The following PDE5A variants were observed in gnomAD, a reference collection of about 807,000 sequenced individuals.
PDE5A encodes the protein cGMP-specific 3',5'-cyclic phosphodiesterase.
A neutral mutation model predicts 110.2 loss-of-function variants in PDE5A; 67 were observed. The ratio of observed to expected loss-of-function variants is 0.61; its 90% CI spans 0.50 to 0.75. The LOEUF is 0.75. PDE5A is among the 30% of genes least tolerant of loss of function. The probability of loss-of-function intolerance (pLI) is 0.00; values close to 1 mark genes in which losing one functional copy is unlikely to be tolerated. For synonymous variants in PDE5A, 328 were observed against 351.2 expected (o/e 0.93, Z 0.74); for missense variants, 862 against 1,045.1 (o/e 0.82, Z 2.42).
rs746529975 is a variant in PDE5A at position 119,565,294 on chromosome 4, T to A, written c.993+27A>T. On this transcript the variant is annotated intron_variant, in intron 5 of 20. Coordinates refer to ENST00000354960, the MANE Select transcript of PDE5A (RefSeq NM_001083.4). ...TAACAATTTTTAAAAAGTATTTCTA[T>A]GCACTTTCTTTAGTAATCAGACTGA... 3.5e-6 allele frequency: 5 copies of A among 1,442,128 alleles called. No individual in the cohort carries two copies. The Admixed American group carries it at 8.7e-5, about 25-fold the overall frequency. 89.3% of individuals were successfully genotyped at this position (1,442,128 alleles called of 1,614,324 possible).
Position 119,560,371 on chromosome 4 carries a change from C to T in PDE5A, c.1132-8G>A. ...CACACTAGAAAAAGAATCCTAAAAA[C>T]AGACAACACAGGCTGAGAAATAAGT... On this transcript the variant is annotated splice_polypyrimidine_tract_variant and splice_region_variant and intron_variant, in intron 6 of 20. Transcript: ENST00000354960. 6.4e-7 allele frequency: 1 copy of T among 1,570,346 alleles called. No individual in the cohort carries two copies. The highest frequency in any genetic ancestry group is 8.7e-7 in the Non-Finnish European group (1 of 1,153,782).
rs201668035 is a variant in PDE5A at position 119,538,941 on chromosome 4, A to G, written c.1632+19T>C. 2.1e-4 allele frequency: 338 copies of G among 1,596,918 alleles called. No homozygotes were observed. Among genetic ancestry groups the G allele is most frequent in the Non-Finnish European group, 2.8e-4 (328 of 1,164,920 alleles). ...GGTGTCTGTAATTAGTAATTTTTAA[A>G]AAGAAAGAGGATAATTACCGCTAAC... is the stretch of plus-strand genomic sequence containing the variant. On this transcript the variant is annotated intron_variant, in intron 11 of 20. Transcript: ENST00000354960.
chr4:119,518,920 C>T (rs1383498844), intron 14 of PDE5A, 125 bp downstream of exon 14: 11 of 606,360 alleles, frequency 1.8e-5, no homozygotes, highest in East Asian at 8.4e-5. Flanking sequence ...TTTCCATTTC[C>T]TTTAAATATA....
intron 1 of PDE5A, among the ~76,000 whole-genome samples, chr4:119,617,216 G>C (rs1447814706): frequency 6.6e-6 from 1 of 151,126 alleles, no homozygotes; most frequent in African/African-American, 2.4e-5. Flanking sequence ...CTTATGTTTT[G>C]GGTTTTTAGA....
intron 3 of PDE5A, chr4:119,569,697 T>C (rs145484661): frequency 5.8e-4 from 88 of 152,696 alleles, no homozygotes; most frequent in African/African-American, 1.9e-3. Context: ...ATAAGTAATC[T>C]AGGGGTGTGC....
chr4:119,576,611 C>T (rs1728359507), intron 3 of PDE5A, among the ~76,000 whole-genome samples: 1 of 152,056 alleles, frequency 6.6e-6, no homozygotes, highest in Non-Finnish European at 1.5e-5. Flanking sequence ...GAAATGAAGG[C>T]AGAAATAAAG....
At chr4:119,582,719 C>T (rs1728629120) in intron 3 of PDE5A, among the ~76,000 whole-genome samples, 1 of 152,212 alleles carries the variant, frequency 6.6e-6, no homozygotes, top group South Asian at 2.1e-4. Context: ...TATCAGCAGG[C>T]ATGAAAACGA....
chr4:119,607,014 C>T lies in PDE5A; in HGVS notation c.436G>A (p.Gly146Arg), dbSNP rs1304059199. The T allele has an allele frequency of 6.2e-7, 1 of 1,614,068 alleles. No individual in the cohort carries two copies. The highest frequency in any genetic ancestry group is 2.2e-5 in the East Asian group (1 of 44,896). ...LTPPRFDHDEGDQCSRLLELV... is the reference protein window; with the variant it reads ...LTPPRFDHDERDQCSRLLELV... The stretch of plus-strand genomic sequence containing the variant: ...TCCAAGAGTCTTGAGCACTGGTCCC[C>T]TTCATCATGATCAAACCTTGGAGGG... The change falls in exon 2 of 21, where the codon GGG becomes AGG. Residue 146 changes from glycine to arginine, a missense_variant. Gly to Arg is a moderately radical substitution (Grantham distance 125). Transcript: ENST00000354960.
intron 1 of PDE5A, among the ~76,000 whole-genome samples, chr4:119,616,937 T>C (rs1432733825): frequency 6.6e-6 from 1 of 152,174 alleles, no homozygotes; most frequent in African/African-American, 2.4e-5. Flanking sequence ...AATGATGGAC[T>C]CAATTAAGTT....
At chr4:119,500,649 A>AAT (rs1725277498) in intron 20 of PDE5A, among the ~76,000 whole-genome samples, 1 of 152,090 alleles carries the variant, frequency 6.6e-6, no homozygotes, top group African/African-American at 2.4e-5. Context: ...CATCTAAACT[A>AAT]ATAAGTTAGA....
intron 2 of PDE5A, among the ~76,000 whole-genome samples, 157 bp from the exon 3 acceptor site, chr4:119,596,769 T>C (rs1729168745): frequency 6.6e-6 from 1 of 152,144 alleles, no homozygotes; most frequent in Admixed American, 6.5e-5. Flanking sequence ...TGTAAGTACA[T>C]ATTATATTTG....
chr4:119,580,000 T>C (rs564553966), intron 3 of PDE5A, among the ~76,000 whole-genome samples: 13 of 152,310 alleles, frequency 8.5e-5, no homozygotes, highest in African/African-American at 3.1e-4. Context: ...CCTGATCATT[T>C]GTTCTGTGCT....
chr4:119,567,142 A>C lies in PDE5A; in HGVS notation c.834T>G (p.Val278=), dbSNP rs1210592388. The C allele has an allele frequency of 6.2e-7, 1 of 1,611,762 alleles. No individual in the cohort carries two copies. Among genetic ancestry groups the C allele is most frequent in the East Asian group, 2.2e-5 (1 of 44,858 alleles). The change falls in exon 4 of 21, where the codon GTT becomes GTG. Residue 278 remains valine (V), a splice_region_variant and synonymous_variant. Coordinates refer to ENST00000354960, the MANE Select transcript of PDE5A (RefSeq NM_001083.4). The part of the protein sequence containing the change: ...CMPIKNHREE[V]VGVAQAINKK... Reference sequence around the variant, plus strand: ...TGTTGATGGCCTGGGCTACACCAACAACCTGGTATAAGGAGAGAAAAGCGA... The same window carrying C: ...TGTTGATGGCCTGGGCTACACCAACCACCTGGTATAAGGAGAGAAAAGCGA...
chr4:119,620,896 C>T (rs932424249), intron 1 of PDE5A, among the ~76,000 whole-genome samples: 1 of 152,150 alleles, frequency 6.6e-6, no homozygotes, highest in African/African-American at 2.4e-5. Flanking sequence ...CATGATTGTT[C>T]AGAGAGACCC....
intron 3 of PDE5A, among the ~76,000 whole-genome samples, chr4:119,582,175 G>A (rs116394449): frequency 0.018 from 2,667 of 152,244 alleles, 30 homozygotes; most frequent in Non-Finnish European, 0.028. Context: ...TTTTCAAGGC[G>A]TGCCACTGCT....
chr4:119,565,418 A>G lies in PDE5A; in HGVS notation c.904-8T>C, dbSNP rs779872142. On this transcript the variant is annotated splice_polypyrimidine_tract_variant and splice_region_variant and intron_variant, in intron 4 of 20. Transcript: ENST00000354960. Reference sequence around the variant, plus strand: ...CAAATAAGCAGCAAAGTCCTAAAAAACAGATAATAGACAAATAAAAACGGT... The same window carrying G: ...CAAATAAGCAGCAAAGTCCTAAAAAGCAGATAATAGACAAATAAAAACGGT... The G allele has an allele frequency of 3.1e-6, 5 of 1,590,386 alleles. No individual in the cohort carries two copies. In the South Asian group the frequency reaches 4.4e-5, roughly 14 times the overall value.
chr4:119,606,632 A>G (rs1240052776), intron 2 of PDE5A, 77 bp downstream of exon 2: 1 of 925,248 alleles, frequency 1.1e-6, no homozygotes, highest in Non-Finnish European at 1.7e-6. Flanking sequence ...TTGCTATCCA[A>G]TGCCCCAGCC....
At chr4:119,536,249 G>A (rs1726718842) in intron 11 of PDE5A, among the ~76,000 whole-genome samples, 1 of 152,008 alleles carries the variant, frequency 6.6e-6, no homozygotes. Context: ...TTTTCAAAGT[G>A]AAAAACAAAC....
chr4:119,607,305 A>C lies in PDE5A; in HGVS notation c.153-8T>G. 6.3e-7 allele frequency: 1 copy of C among 1,584,438 alleles called. No homozygotes were observed. The highest frequency in any genetic ancestry group is 8.6e-7 in the Non-Finnish European group (1 of 1,160,934). ...CATGCATTGACCATTTCTCTGCAGA[A>C]CAGAACGTGCAGACACATTAGATAC... On this transcript the variant is annotated splice_polypyrimidine_tract_variant and splice_region_variant and intron_variant, in intron 1 of 20. Coordinates refer to ENST00000354960, the MANE Select transcript of PDE5A (RefSeq NM_001083.4).
Sources: allele counts gnomAD v4.1 joint callset (sites outside exome capture counted in the v4.1 genomes callset), GRCh38; gene constraint gnomAD v4.1.1; transcripts MANE v1.5; gene names NCBI Gene and HGNC (gene_info 2026-07-23, HGNC 2026-07-21).